The following PRMT7 variants were observed in gnomAD, a reference collection of about 807,000 sequenced individuals.
The protein encoded by PRMT7 is protein arginine methyltransferase 7.
Under a neutral mutation model 85.4 loss-of-function variants are expected in PRMT7, and 75 were observed. The ratio of observed to expected loss-of-function variants is 0.88; its 90% CI spans 0.73 to 1.06. The LOEUF (loss-of-function observed/expected upper bound fraction) is 1.06, where lower values mean the gene tolerates loss of function less well. Ranked by LOEUF, PRMT7 falls within the 50% of genes least tolerant of loss-of-function variation. PRMT7 has a pLI of 0.00. For synonymous variants in PRMT7, 397 were observed against 359.5 expected, an observed-to-expected ratio of 1.10 and a Z score of -1.18; for missense variants, 868 against 915.2, an observed-to-expected ratio of 0.95 and a Z score of 0.67.
intron 6 of PRMT7, among the ~76,000 whole-genome samples, chr16:68,329,876 TACAC>T (rs6145876): frequency 4.7e-5 from 7 of 148,810 alleles, no homozygotes; most frequent in South Asian, 2.1e-4. Flanking sequence ...TATGTATATG[TACAC>T]ACACACACAC....
At chr16:68,313,214 C>G (rs945154417) in intron 2 of PRMT7, among the ~76,000 whole-genome samples, 2 of 152,112 alleles carry the variant, frequency 1.3e-5, no homozygotes, top group African/African-American at 4.8e-5. Context: ...TAAAGTTCTT[C>G]ACTATAAGTT....
intron 5 of PRMT7, among the ~76,000 whole-genome samples, chr16:68,327,139 C>T (rs1340228205): frequency 1.3e-5 from 2 of 151,976 alleles, no homozygotes; most frequent in Admixed American, 6.6e-5. Flanking sequence ...GTACTCTTTA[C>T]GAAAGGATAC....
chr16:68,322,416 T>A, intron 4 of PRMT7: 1 of 451,246 alleles, frequency 2.2e-6, no homozygotes, highest in South Asian at 1.6e-5. Context: ...CAGGCTGGTC[T>A]TGATCCCCTG....
rs1200892889 is a variant in PRMT7 at position 68,357,793 on chromosome 16, GGT to G, written c.*572_*573del. 6.6e-6 allele frequency: 1 copy of G among 150,424 alleles called. No homozygotes were observed. Among genetic ancestry groups the G allele is most frequent in the Non-Finnish European group, 1.5e-5 (1 of 68,094 alleles). The allele number at this position is 150,424 out of a possible 1,614,324, so 9.3% of individuals were successfully genotyped here. A position where few individuals can be genotyped will look rare whatever the true frequency, so the allele number is the denominator to read the frequency against. On this transcript the variant is annotated 3_prime_UTR_variant, in exon 19 of 19. Coordinates refer to ENST00000441236, the MANE Select transcript of PRMT7 (RefSeq NM_019023.5). ...CAGGTAACTTCAAGCCACATCCATA[GGT>G]GTCTGGCCTCAGTGCTGCACCAGCT...
intron 3 of PRMT7, 115 bp downstream of exon 3, chr16:68,316,189 G>C: frequency 2.3e-6 from 2 of 888,738 alleles, no homozygotes; most frequent in Non-Finnish European, 3.7e-6. Context: ...TTATGATGAG[G>C]GCTGGTGTTG....
At chr16:68,347,781 T>C in intron 13 of PRMT7, 103 bp downstream of exon 13, 1 of 1,064,586 alleles carries the variant, frequency 9.4e-7, no homozygotes, top group Non-Finnish European at 1.4e-6. Flanking sequence ...GAGTGGTGGC[T>C]CGCTTGCACC....
In PRMT7 at chr16:68,318,300, C is replaced by T. The variant is rs565543465; in HGVS notation, c.95+2226C>T. Among the ~76,000 whole-genome samples, 6 of 150,878 alleles carry T rather than the reference C, an allele frequency of 4.0e-5. No individual in the cohort carries two copies. The South Asian group carries it at 6.3e-4, about 16-fold the overall frequency. On this transcript the variant is annotated intron_variant, in intron 3 of 18. Transcript: ENST00000441236. ...CTGCAAGCTCCGCCTCCTGGGTTCACGCCATTCTCCCGCCTCAGCCTCTTG... is the reference window on the plus strand; with the variant it reads ...CTGCAAGCTCCGCCTCCTGGGTTCATGCCATTCTCCCGCCTCAGCCTCTTG...
intron 14 of PRMT7, among the ~76,000 whole-genome samples, chr16:68,350,319 A>G (rs2087110682): frequency 6.6e-6 from 1 of 152,110 alleles, no homozygotes; most frequent in African/African-American, 2.4e-5. Flanking sequence ...GGTAGTTACG[A>G]TCGACTTTTT....
intron 5 of PRMT7, among the ~76,000 whole-genome samples, chr16:68,327,545 G>C (rs1273372186): frequency 6.6e-6 from 1 of 152,116 alleles, no homozygotes; most frequent in African/African-American, 2.4e-5. Context: ...TGGGGGAATG[G>C]GGGAGGAAGA....
At chr16:68,348,764 G>C (rs910783943) in intron 14 of PRMT7, among the ~76,000 whole-genome samples, 1 of 148,640 alleles carries the variant, frequency 6.7e-6, no homozygotes, top group Non-Finnish European at 1.5e-5. Flanking sequence ...CACCTCTCCC[G>C]AGTAGCTGGG....
intron 3 of PRMT7, chr16:68,318,678 C>T (rs1239835298): frequency 6.6e-6 from 1 of 152,160 alleles, no homozygotes; most frequent in Non-Finnish European, 1.5e-5. Flanking sequence ...GGATTACAGG[C>T]ATCTGCCACC....
Position 68,345,807 on chromosome 16 carries a change from G to T in PRMT7, c.1055+5G>T. 1.2e-6 allele frequency: 2 copies of T among 1,613,936 alleles called. No homozygotes were observed. The highest frequency in any genetic ancestry group is 1.7e-6 in the Non-Finnish European group (2 of 1,179,978). On this transcript the variant is annotated splice_donor_5th_base_variant and intron_variant, in intron 10 of 18. Coordinates refer to ENST00000441236, the MANE Select transcript of PRMT7 (RefSeq NM_019023.5). ...GTACAGCCTGCAGAGGACCAGGTAC[G>T]TCGAGCCTCGTGGGGGTGGAGGATG...
rs1470572820 is a variant in PRMT7 at position 68,312,219 on chromosome 16, ATATATATATATTT to A, written c.-84+45_-84+57del. The stretch of plus-strand genomic sequence containing the variant: ...TATATGTATATTTATATATATATAT[ATATATATATATTT>A]TTTTTTTTAAGACAGGGTCTCACTC... On this transcript the variant is annotated intron_variant, in intron 2 of 18. Coordinates refer to ENST00000441236, the MANE Select transcript of PRMT7 (RefSeq NM_019023.5). 3 of 41,190 alleles carry A rather than the reference ATATATATATATTT, an allele frequency of 7.3e-5. No homozygotes were observed. The Admixed American group carries it at 1.1e-3, about 15-fold the overall frequency. The allele number at this position is 41,190 out of a possible 1,614,324, so 2.6% of individuals were successfully genotyped here.
intron 3 of PRMT7, among the ~76,000 whole-genome samples, chr16:68,320,752 C>G (rs565283418): frequency 6.6e-6 from 1 of 152,294 alleles, no homozygotes; most frequent in Admixed American, 6.5e-5. Context: ...CTGAGAACAT[C>G]TTTCTCTGAG....
rs773211791 is a variant in PRMT7, at chr16:68,324,850, G to A, written c.282+18G>A. ...CCATCGAGGTAAGCCATTCCCTTCAGGTGTGTGTCCTGCATCTTGCATGGG... is the reference window on the plus strand; with the variant it reads ...CCATCGAGGTAAGCCATTCCCTTCAAGTGTGTGTCCTGCATCTTGCATGGG... On this transcript the variant is annotated intron_variant, in intron 5 of 18. Coordinates refer to ENST00000441236, the MANE Select transcript of PRMT7 (RefSeq NM_019023.5). The A allele has an allele frequency of 1.5e-5, 24 of 1,612,770 alleles. No individual in the cohort carries two copies. The South Asian group carries it at 2.5e-4, about 17-fold the overall frequency.
At chr16:68,341,405 C>T (rs1212890432) in intron 9 of PRMT7, among the ~76,000 whole-genome samples, 4 of 152,070 alleles carry the variant, frequency 2.6e-5, no homozygotes, top group African/African-American at 7.2e-5. Context: ...TCACAGGCTA[C>T]GGTTTTTTGT....
At chr16:68,328,656 C>G (rs530225409) in intron 5 of PRMT7, 1 of 185,440 alleles carries the variant, frequency 5.4e-6, no homozygotes, top group Non-Finnish European at 1.1e-5. Context: ...GTTCTGCCAA[C>G]AGTGGGGATT....
chr16:68,324,659 A>C (rs777461759), intron 4 of PRMT7, 24 bp from the exon 5 acceptor site: 1 of 1,613,268 alleles, frequency 6.2e-7, no homozygotes, highest in African/African-American at 1.3e-5. Flanking sequence ...AACTGGTAGT[A>C]AGTGACGGCC....
At chr16:68,315,850 T>C (rs2044673327) in intron 2 of PRMT7, 47 bp from the exon 3 acceptor site, 2 of 755,560 alleles carry the variant, frequency 2.6e-6, no homozygotes, top group African/African-American at 1.8e-5. Flanking sequence ...AGATTTTTTT[T>C]CTGTTCGTTT....
Sources: gnomAD v4.1 joint callset for allele counts (sites outside exome capture counted in the v4.1 genomes callset) on GRCh38, gnomAD v4.1.1 for gene constraint, MANE v1.5 for transcripts, NCBI Gene and HGNC (gene_info 2026-07-23, HGNC 2026-07-21) for gene names.